Variants in TFEB observed in about 807,000 individuals in gnomAD.
TFEB encodes transcription factor EB.
A neutral mutation model predicts 48.0 loss-of-function variants in TFEB; 12 were observed. The observed-to-expected ratio is 0.25, with a 90% CI of 0.16 to 0.40. TFEB has a LOEUF of 0.40. Ranked by LOEUF, TFEB falls within the 10% of genes least tolerant of loss-of-function variation. TFEB has a pLI of 1.00. For missense variants in TFEB, 509 were observed against 640.3 expected, an observed-to-expected ratio of 0.79 and a Z score of 2.21; for synonymous variants, 244 against 261.4, an observed-to-expected ratio of 0.93 and a Z score of 0.64.
Position 41,691,031 on chromosome 6 carries a change from C to A in TFEB, c.183G>T (p.Ser61=). The change falls in exon 2 of 9, where the codon TCG becomes TCT. Residue 61 remains serine, a synonymous_variant. Coordinates refer to ENST00000373033, the MANE Select transcript of TFEB (RefSeq NM_001271944.2). This position sits in a 1 kb window ranked among gnomAD's most constrained non-coding sequence, Gnocchi z 5.2. ...PAINTPVHFQ[S]PPPVPGEVLK... ...ACACCTCCCCAGGCACAGGTGGTGGCGACTGGAAGTGGACGGGGGTATTGA... is the reference window on the plus strand; with the variant it reads ...ACACCTCCCCAGGCACAGGTGGTGGAGACTGGAAGTGGACGGGGGTATTGA... The A allele has an allele frequency of 6.4e-7, 1 of 1,573,948 alleles. No homozygotes were observed. Among genetic ancestry groups the A allele is most frequent in the Non-Finnish European group, 8.6e-7 (1 of 1,158,284 alleles).
intron 1 of TFEB, among the ~76,000 whole-genome samples, chr6:41,708,673 C>T (rs1041308450): frequency 6.6e-6 from 1 of 152,240 alleles, no homozygotes; most frequent in Admixed American, 6.5e-5. Flanking sequence ...AAACTGTTTG[C>T]ACTCATATCC....
At chr6:41,700,926 C>T (rs558651430) in intron 1 of TFEB, among the ~76,000 whole-genome samples, 13 of 152,368 alleles carry the variant, frequency 8.5e-5, no homozygotes, top group African/African-American at 3.1e-4. Context: ...GTCGCCCTGT[C>T]CTGTCCCACT....
rs1276232198 is a variant in TFEB, at chr6:41,684,830, C to A, written c.1200G>T (p.Leu400=). ...PFHHLDFSHS[L]SFGGREDEGP... ...CCTCGTCCTCCCTGCCCCCAAAGCT[C>A]AGGCTGTGGCTGAAGTCCAGGTGAT... is the stretch of plus-strand genomic sequence containing the variant. Residue 400 remains leucine, a synonymous_variant, in exon 9 of 9, where the codon CTG becomes CTT. Coordinates refer to ENST00000373033, the MANE Select transcript of TFEB (RefSeq NM_001271944.2). The A allele has an allele frequency of 6.3e-7, 1 of 1,586,792 alleles. No homozygotes were observed.
intron 1 of TFEB, among the ~76,000 whole-genome samples, chr6:41,706,717 C>T (rs988789792): frequency 1.3e-5 from 2 of 152,062 alleles, no homozygotes; most frequent in Non-Finnish European, 2.9e-5. Context: ...CATCTCCCCC[C>T]ATAGAGGAGA....
chr6:41,704,343 G>T (rs1048153024), intron 1 of TFEB, among the ~76,000 whole-genome samples: 1 of 152,232 alleles, frequency 6.6e-6, no homozygotes, highest in Non-Finnish European at 1.5e-5. Context: ...GGGGGCAGGT[G>T]CTTAACCGCT....
At chr6:41,686,278 A>AG (rs755073103) in intron 7 of TFEB, 41 bp from the exon 8 acceptor site, 1 of 1,608,230 alleles carries the variant, frequency 6.2e-7, no homozygotes, top group African/African-American at 1.3e-5. Context: ...GCATGCTCAG[A>AG]AGAGTGGCCA....
In TFEB at chr6:41,712,941, A is replaced by G. The variant is rs550184810; in HGVS notation, c.-22-21706T>C. Among the ~76,000 whole-genome samples the G allele has an allele frequency of 8.5e-5, 13 of 152,288 alleles. No individual in the cohort carries two copies. In the East Asian group the frequency reaches 1.9e-3, roughly 23 times the overall value. ...ATGGGAACTTGCTCTGGTGGCAGGT[A>G]CTGGGAAATGGGGACTCCTGAGTCT... On this transcript the variant is annotated intron_variant, in intron 1 of 8. Transcript: ENST00000373033.
rs750510063 is a variant in TFEB, at chr6:41,723,575, G to A, written c.-23+11775C>T. 2.7e-5 allele frequency: 34 copies of A among 1,248,236 alleles called. No homozygotes were observed. Among genetic ancestry groups the A allele is most frequent in the East Asian group, 1.1e-4 (2 of 17,666 alleles). 77.3% of individuals were successfully genotyped at this position (1,248,236 alleles called of 1,614,324 possible). A position where few individuals can be genotyped will look rare whatever the true frequency, so the allele number is the denominator to read the frequency against. Reference sequence around the variant, plus strand: ...CCGGGCTCAGTTTCCTCATTTCCCCGGCGGCTGCTGTTTCTCACCCAGCCC... The same window carrying A: ...CCGGGCTCAGTTTCCTCATTTCCCCAGCGGCTGCTGTTTCTCACCCAGCCC... On this transcript the variant is annotated intron_variant, in intron 1 of 8. Coordinates refer to ENST00000373033, the MANE Select transcript of TFEB (RefSeq NM_001271944.2). The surrounding 1 kb of genome is among the most constrained non-coding windows in gnomAD (Gnocchi z 6.0).
At position 41,689,726 on chromosome 6, in the gene TFEB, A is replaced by T; in HGVS notation, c.549+5T>A. On this transcript the variant is annotated splice_donor_5th_base_variant and intron_variant, in intron 4 of 8. Coordinates refer to ENST00000373033, the MANE Select transcript of TFEB (RefSeq NM_001271944.2). ...GCACACCCACCCCACCCTAGCCAGG[A>T]GTACCGTGTTGGGCATCTGCATTTC... 2 of 1,610,514 alleles carry T rather than the reference A, an allele frequency of 1.2e-6. No individual in the cohort carries two copies. Among genetic ancestry groups the T allele is most frequent in the Non-Finnish European group, 1.7e-6 (2 of 1,177,268 alleles).
chr6:41,690,911 A>T lies in TFEB; in HGVS notation c.220T>A (p.Ser74Thr), dbSNP rs1769271758. 6.3e-7 allele frequency: 1 copy of T among 1,586,798 alleles called. No individual in the cohort carries two copies. Among genetic ancestry groups the T allele is most frequent in the African/African-American group, 1.3e-5 (1 of 74,272 alleles). The change falls in exon 3 of 9, where the codon TCC (serine) becomes ACC (threonine). Residue 74 changes from serine (S) to threonine (T), a missense_variant. This residue lies in a region of TFEB where 251 missense variants were observed against 317.2 expected (regional missense o/e 0.79). Transcript: ENST00000373033. The part of the protein sequence containing the change: ...PVPGEVLKVQ[S>T]YLENPTSYHL... ...TAGGATGTGGGATTCTCCAGGTAGG[A>T]CTGCACCTGGGAGGGGGAAAAGGCA...
intron 1 of TFEB, among the ~76,000 whole-genome samples, chr6:41,727,842 A>C (rs1771276236): frequency 6.6e-6 from 1 of 152,206 alleles, no homozygotes; most frequent in Non-Finnish European, 1.5e-5. Context: ...CCTTGGCCCC[A>C]GAGCTTCCAA....
intron 1 of TFEB, among the ~76,000 whole-genome samples, chr6:41,695,853 G>A (rs772935014): frequency 2.0e-5 from 3 of 152,192 alleles, no homozygotes; most frequent in Non-Finnish European, 4.4e-5. Flanking sequence ...TTTATGGGGG[G>A]GCCCAACCTG....
At chr6:41,700,465 C>CAA (rs549557871) in intron 1 of TFEB, among the ~76,000 whole-genome samples, 6 of 95,658 alleles carry the variant, frequency 6.3e-5, no homozygotes, top group African/African-American at 1.8e-4. Flanking sequence ...GACTCCGTCT[C>CAA]AAAAAAAAAA....
Position 41,723,661 on chromosome 6 carries a change from G to T in TFEB, c.-23+11689C>A. ...CCTGGGAGCTGCAAATGCGGCCGAG[G>T]ATTACTCACAGCACAGAGGGAACTG... On this transcript the variant is annotated intron_variant, in intron 1 of 8. Coordinates refer to ENST00000373033, the MANE Select transcript of TFEB (RefSeq NM_001271944.2). This position sits in a 1 kb window ranked among gnomAD's most constrained non-coding sequence, Gnocchi z 6.0. 1.5e-6 allele frequency: 1 copy of T among 680,574 alleles called. No individual in the cohort carries two copies. The highest frequency in any genetic ancestry group is 2.1e-6 in the Non-Finnish European group (1 of 469,590). 42.2% of individuals were successfully genotyped at this position (680,574 alleles called of 1,614,324 possible).
chr6:41,721,650 A>G (rs1416528678), intron 1 of TFEB, among the ~76,000 whole-genome samples: 1 of 152,138 alleles, frequency 6.6e-6, no homozygotes, highest in Non-Finnish European at 1.5e-5. Flanking sequence ...AATGGCATCC[A>G]TCTGTCAGAC....
chr6:41,723,827 T>A lies in TFEB; in HGVS notation c.-23+11523A>T. 4 of 425,884 alleles carry A rather than the reference T, an allele frequency of 9.4e-6. No individual in the cohort carries two copies. Among genetic ancestry groups the A allele is most frequent in the South Asian group, 6.6e-5 (4 of 60,220 alleles). 26.4% of individuals were successfully genotyped at this position (425,884 alleles called of 1,614,324 possible). On this transcript the variant is annotated intron_variant, in intron 1 of 8. Coordinates refer to ENST00000373033, the MANE Select transcript of TFEB (RefSeq NM_001271944.2). This position sits in a 1 kb window ranked among gnomAD's most constrained non-coding sequence, Gnocchi z 6.0. ...TGGCCGCCCTGACCCCAGCCTGACC[T>A]CAGAGGGCCCTAGGCAGATGGAGAG...
intron 1 of TFEB, among the ~76,000 whole-genome samples, chr6:41,715,162 G>A (rs528691943): frequency 3.3e-5 from 5 of 152,238 alleles, no homozygotes; most frequent in South Asian, 2.1e-4. Context: ...GGACTGTGAC[G>A]AAGAATCTGA....
chr6:41,712,860 G>A (rs1770545025), intron 1 of TFEB, among the ~76,000 whole-genome samples: 1 of 152,170 alleles, frequency 6.6e-6, no homozygotes, highest in Admixed American at 6.5e-5. Flanking sequence ...AGGCAGCACA[G>A]CTCTTTCCAG....
intron 1 of TFEB, 29 bp downstream of exon 1, chr6:41,735,321 C>T: frequency 2.0e-6 from 2 of 984,932 alleles, no homozygotes; most frequent in Middle Eastern, 5.2e-4. Flanking sequence ...GGGCCCTCCT[C>T]GTGCCTCTCG....
Sources: gnomAD v4.1 joint callset for allele counts (sites outside exome capture counted in the v4.1 genomes callset) on GRCh38, gnomAD v4.1.1 for gene constraint, gnomAD v4.1.1 regional missense constraint, Gnocchi (gnomAD v3.1) non-coding constraint, MANE v1.5 for transcripts, NCBI Gene and HGNC (gene_info 2026-07-23, HGNC 2026-07-21) for gene names.